KHDRBS2: variants seen among roughly 807,000 people sequenced by gnomAD.
KHDRBS2 encodes the protein KH RNA binding domain containing, signal transduction associated 2, also known as KH domain-containing, RNA-binding, signal transduction-associated protein 2.
KHDRBS2 carries 26 observed loss-of-function variants against 44.3 expected under a neutral mutation model. That is an observed-to-expected ratio of 0.59 (90% CI 0.43 to 0.81). The LOEUF (loss-of-function observed/expected upper bound fraction) is 0.81. KHDRBS2 is among the 40% of genes least tolerant of loss of function. The pLI is 0.00. For missense variants in KHDRBS2, 476 were observed against 433.1 expected (o/e 1.10, Z -0.88); for synonymous variants, 194 against 151.1 (o/e 1.28, Z -2.08).
At chr6:62,177,839 G>A (rs953393527) in intron 1 of KHDRBS2, among the ~76,000 whole-genome samples, 1 of 151,290 alleles carries the variant, frequency 6.6e-6, no homozygotes, top group Non-Finnish European at 1.5e-5. Context: ...TCATATAAAT[G>A]ATTAAATCTA....
chr6:61,549,175 A>G, the KHDRBS2 span, among the ~76,000 whole-genome samples: 26,055 of 152,146 alleles, frequency 0.17, 2,458 homozygotes, highest in East Asian at 0.29. Flanking sequence ...ATGAAAATAG[A>G]TATTGGAAAA....
chr6:62,168,378 G>A (rs942491247), intron 2 of KHDRBS2, among the ~76,000 whole-genome samples: 3 of 152,036 alleles, frequency 2.0e-5, no homozygotes, highest in African/African-American at 4.8e-5. Flanking sequence ...ACTTTTAAAG[G>A]CACTGAGAGG....
chr6:62,086,241 A>C (rs1260395391), intron 2 of KHDRBS2, among the ~76,000 whole-genome samples: 1 of 152,156 alleles, frequency 6.6e-6, no homozygotes, highest in Non-Finnish European at 1.5e-5. Context: ...AAGGAAAAGA[A>C]GACTAGGGAA....
chr6:61,661,690 GGGACA>G, the KHDRBS2 span, among the ~76,000 whole-genome samples: 1 of 151,732 alleles, frequency 6.6e-6, no homozygotes, highest in Non-Finnish European at 1.5e-5. Context: ...CAACTTACAA[GGGACA>G]TGAAGGACCT....
At chr6:62,129,357 G>A (rs1809716329) in intron 2 of KHDRBS2, among the ~76,000 whole-genome samples, 1 of 152,016 alleles carries the variant, frequency 6.6e-6, no homozygotes, top group South Asian at 2.1e-4. Flanking sequence ...GGTACAGAGA[G>A]GAAAGTTCCA....
At chr6:61,577,995 C>G in the KHDRBS2 span, among the ~76,000 whole-genome samples, 2 of 151,958 alleles carry the variant, frequency 1.3e-5, no homozygotes, top group African/African-American at 4.8e-5. Flanking sequence ...TTAAAAGTCT[C>G]TCTTCATTAA....
the KHDRBS2 span, among the ~76,000 whole-genome samples, chr6:61,567,169 C>T: frequency 6.6e-6 from 1 of 152,036 alleles, no homozygotes; most frequent in Admixed American, 6.6e-5. Context: ...AGGATGGATC[C>T]CATGTTCTTG....
rs1218008356 is a variant in KHDRBS2, at chr6:62,208,830, T to G, written c.92-31518A>C. Among the ~76,000 whole-genome samples the G allele has an allele frequency of 4.6e-5, 7 of 152,280 alleles. No individual in the cohort carries two copies. The East Asian group carries it at 1.2e-3, about 25-fold the overall frequency. Reference sequence around the variant, plus strand: ...TTTCAACTTGCATTTCTCTGATGATTAGTGACGTTGAGAACCGTTTCATAG... The same window carrying G: ...TTTCAACTTGCATTTCTCTGATGATGAGTGACGTTGAGAACCGTTTCATAG... On this transcript the variant is annotated intron_variant, in intron 1 of 8. Transcript: ENST00000281156.
intron 1 of KHDRBS2, among the ~76,000 whole-genome samples, chr6:62,191,156 C>T (rs75837065): frequency 0.035 from 5,387 of 152,176 alleles, 251 homozygotes; most frequent in African/African-American, 0.12. Flanking sequence ...ACTACCCTGA[C>T]ATGTACCTGC....
At chr6:61,702,958 C>T (rs1426214691) in intron 7 of KHDRBS2, among the ~76,000 whole-genome samples, 2 of 151,668 alleles carry the variant, frequency 1.3e-5, no homozygotes, top group Non-Finnish European at 2.9e-5. Context: ...GTGCCACTTC[C>T]TAGAAAAATT....
intron 6 of KHDRBS2, among the ~76,000 whole-genome samples, chr6:61,813,125 A>G (rs1388915326): frequency 1.3e-5 from 2 of 152,178 alleles, no homozygotes; most frequent in Non-Finnish European, 2.9e-5. Flanking sequence ...TAACAATTTT[A>G]AGAAAATCAA....
At chr6:62,234,561 A>T (rs1163158117) in intron 1 of KHDRBS2, among the ~76,000 whole-genome samples, 1 of 152,096 alleles carries the variant, frequency 6.6e-6, no homozygotes, top group Admixed American at 6.5e-5. Context: ...CGGTTTTAAA[A>T]ATATAAAAAT....
In KHDRBS2 at chr6:61,867,867, G is replaced by T. The variant is rs146229973; in HGVS notation, c.810+26768C>A. Among the ~76,000 whole-genome samples, 121 of 152,280 alleles carry T rather than the reference G, an allele frequency of 7.9e-4. No individual in the cohort carries two copies. In the Middle Eastern group the frequency reaches 0.014, roughly 17 times the overall value. ...TTACTGACTGGTTGCCAGCCCAAAC[G>T]TACCTGTAGGAGGTGGCTGGGGACC... On this transcript the variant is annotated intron_variant, in intron 6 of 8. Coordinates refer to ENST00000281156, the MANE Select transcript of KHDRBS2 (RefSeq NM_152688.4).
intron 4 of KHDRBS2, among the ~76,000 whole-genome samples, chr6:61,918,393 A>G (rs1807420354): frequency 6.6e-6 from 1 of 151,832 alleles, no homozygotes; most frequent in Non-Finnish European, 1.5e-5. Context: ...CACTCATGTG[A>G]TATTATTTGG....
chr6:61,720,032 G>T (rs1309795857), intron 7 of KHDRBS2, among the ~76,000 whole-genome samples: 1 of 151,874 alleles, frequency 6.6e-6, no homozygotes, highest in Non-Finnish European at 1.5e-5. Context: ...TGCGGTGTTT[G>T]GTTTTTTGTT....
intron 7 of KHDRBS2, among the ~76,000 whole-genome samples, chr6:61,720,021 A>T (rs2127554811): frequency 6.6e-6 from 1 of 152,102 alleles, no homozygotes; most frequent in Non-Finnish European, 1.5e-5. Context: ...GAGTGAGAAT[A>T]TGCGGTGTTT....
chr6:62,188,320 C>T (rs1392879001), intron 1 of KHDRBS2, among the ~76,000 whole-genome samples: 2 of 152,094 alleles, frequency 1.3e-5, no homozygotes, highest in Non-Finnish European at 2.9e-5. Context: ...CTCCCTTGCT[C>T]CAGCCCCTGG....
chr6:62,065,188 C>A (rs560259649), intron 2 of KHDRBS2, among the ~76,000 whole-genome samples: 2 of 152,078 alleles, frequency 1.3e-5, no homozygotes, highest in African/African-American at 2.4e-5. Flanking sequence ...GTTGGTGGGA[C>A]TGTAAACTAG....
chr6:61,655,889 C>T, the KHDRBS2 span, among the ~76,000 whole-genome samples: 2 of 151,946 alleles, frequency 1.3e-5, no homozygotes, highest in Non-Finnish European at 2.9e-5. Flanking sequence ...AGTTTTTGTA[C>T]ATTTAGTGAC....
Sources: allele counts gnomAD v4.1 joint callset (sites outside exome capture counted in the v4.1 genomes callset), GRCh38; gene constraint gnomAD v4.1.1; transcripts MANE v1.5; gene names NCBI Gene and HGNC (gene_info 2026-07-23, HGNC 2026-07-21).